The following TMEM230 variants were observed in gnomAD, a reference collection of about 807,000 sequenced individuals.
TMEM230 encodes transmembrane protein 230.
In TMEM230, 10 loss-of-function variants were observed where a neutral mutation model predicts 15.8. The ratio of observed to expected loss-of-function variants is 0.63; its 90% confidence interval spans 0.39 to 1.07. The LOEUF is 1.07. TMEM230 is among the 50% of genes least tolerant of loss of function. The probability of loss-of-function intolerance (pLI) is 0.01; values close to 1 mark genes in which losing one functional copy is unlikely to be tolerated. For synonymous variants in TMEM230, 67 were observed against 76.9 expected, an observed-to-expected ratio of 0.87 and a Z score of 0.68; for missense variants, 165 against 193.3, an observed-to-expected ratio of 0.85 and a Z score of 0.87.
rs1010324533 is a variant in TMEM230, at chr20:5,080,435, C to T, written c.223-11086G>A. The stretch of plus-strand genomic sequence containing the variant: ...ATTTAATTTCTACTGTCTTCTGTGA[C>T]CCCATGACTGCTTCTCTCCAGCCTG... On this transcript the variant is annotated intron_variant, in intron 3 of 3. Transcript: ENST00000612323. 2.0e-5 allele frequency among the ~76,000 whole-genome samples: 3 copies of T among 152,208 alleles called. No individual in the cohort carries two copies. The South Asian group carries it at 6.2e-4, about 31-fold the overall frequency.
intron 3 of TMEM230, among the ~76,000 whole-genome samples, chr20:5,072,836 G>A (rs555929820): frequency 2.0e-4 from 26 of 128,160 alleles, no homozygotes; most frequent in African/African-American, 7.3e-4. Context: ...AAGACAGAGC[G>A]AGACTCCACC....
At chr20:5,102,563 T>C (rs1436447944) in intron 4 of TMEM230, among the ~76,000 whole-genome samples, 1 of 151,924 alleles carries the variant, frequency 6.6e-6, no homozygotes, top group Non-Finnish European at 1.5e-5. Context: ...TGGTGGTATA[T>C]GCCTGTGGTC....
At chr20:5,083,030 C>T (rs1005467853) in intron 3 of TMEM230, among the ~76,000 whole-genome samples, 27 of 150,732 alleles carry the variant, frequency 1.8e-4, no homozygotes, top group African/African-American at 6.6e-4. Context: ...CGGGTTCAAG[C>T]GATTCTCCTG....
chr20:5,090,552 G>C (rs74616036), intron 3 of TMEM230, among the ~76,000 whole-genome samples: 2,489 of 152,232 alleles, frequency 0.016, 66 homozygotes, highest in African/African-American at 0.056. Context: ...ATATACAAAT[G>C]GGGTCAGTTT....
chr20:5,077,417 G>A (rs1178792358), intron 3 of TMEM230, among the ~76,000 whole-genome samples: 1 of 152,154 alleles, frequency 6.6e-6, no homozygotes, highest in East Asian at 1.9e-4. Context: ...CAAAAATCTG[G>A]TCCTTGGCCT....
chr20:5,106,230 A>G lies in TMEM230; in HGVS notation c.369T>C (p.Ile123=), dbSNP rs560893425. 26 of 1,614,076 alleles carry G rather than the reference A, an allele frequency of 1.6e-5. 1 individual carries two copies. In the South Asian group the frequency reaches 2.9e-4, roughly 18 times the overall value. ...CTGACAGCAGGAGGGAGCCTATAAT[A>G]ATGAGAAAGGCGCCAATCAAAAACA... The change falls in exon 4 of 5, where the codon ATT becomes ATC. Residue 123 remains isoleucine (I), a synonymous_variant. Coordinates refer to ENST00000342308, the MANE Select transcript of TMEM230 (RefSeq NM_001009923.2).
intron 3 of TMEM230, among the ~76,000 whole-genome samples, chr20:5,075,011 GA>G (rs1205350822): frequency 6.6e-6 from 1 of 150,512 alleles, no homozygotes; most frequent in Non-Finnish European, 1.5e-5. Context: ...AAGGCATACA[GA>G]ATGTAGGTAT....
intron 3 of TMEM230, among the ~76,000 whole-genome samples, chr20:5,088,096 G>A (rs1224193742): frequency 1.3e-5 from 2 of 150,432 alleles, no homozygotes; most frequent in Non-Finnish European, 3.0e-5. Context: ...ATTGCCTGAG[G>A]TCAGGAGTTT....
At chr20:5,076,760 C>G (rs2089015593) in intron 3 of TMEM230, among the ~76,000 whole-genome samples, 1 of 147,194 alleles carries the variant, frequency 6.8e-6, no homozygotes, top group Non-Finnish European at 1.5e-5. Flanking sequence ...TCACTGCAAC[C>G]TCTGCCTCCT....
chr20:5,086,538 C>CAAAAAAAAAAAAAAAAAA (rs542162305), intron 3 of TMEM230, among the ~76,000 whole-genome samples: 2 of 88,994 alleles, frequency 2.2e-5, no homozygotes, highest in Non-Finnish European at 4.4e-5. Context: ...GACTCTGTCT[C>CAAAAAAAAAAAAAAAAAA]AAAAAAAAAA....
rs550136655 is a variant in TMEM230, at chr20:5,079,038, T to C, written c.223-9689A>G. On this transcript the variant is annotated intron_variant, in intron 3 of 3. Transcript: ENST00000612323. ...TGATTTTAATTGCCCATTTATCACATACAAAATTTTGCTGATATTTGTGAC... is the reference window on the plus strand; with the variant it reads ...TGATTTTAATTGCCCATTTATCACACACAAAATTTTGCTGATATTTGTGAC... Among the ~76,000 whole-genome samples the C allele has an allele frequency of 3.9e-5, 6 of 152,394 alleles. No individual in the cohort carries two copies. In the East Asian group the frequency reaches 7.7e-4, roughly 20 times the overall value.
chr20:5,059,854 G>A, the TMEM230 span, among the ~76,000 whole-genome samples: 47 of 139,728 alleles, frequency 3.4e-4, no homozygotes, highest in African/African-American at 9.1e-4. Context: ...ACCTCGGCTC[G>A]CTGCAACCTC....
chr20:5,083,924 G>C (rs1248427228), intron 3 of TMEM230, among the ~76,000 whole-genome samples: 1 of 151,954 alleles, frequency 6.6e-6, no homozygotes, highest in East Asian at 1.9e-4. Flanking sequence ...TATGTATCGT[G>C]GGGGTTTGGT....
chr20:5,099,390 C>T (rs544172751), downstream of TMEM230, among the ~76,000 whole-genome samples: 5 of 152,130 alleles, frequency 3.3e-5, no homozygotes, highest in African/African-American at 9.6e-5. Context: ...TACTGGACTC[C>T]CCAGTCAACA....
chr20:5,090,280 T>C (rs182999201), intron 3 of TMEM230, among the ~76,000 whole-genome samples: 2 of 152,116 alleles, frequency 1.3e-5, no homozygotes, highest in East Asian at 3.9e-4. Context: ...CCTGGCACAA[T>C]GGGTAATGGG....
chr20:5,089,216 T>C (rs889600115), intron 3 of TMEM230, among the ~76,000 whole-genome samples: 8 of 151,538 alleles, frequency 5.3e-5, no homozygotes, highest in Admixed American at 2.6e-4. Context: ...CTACTAAAAA[T>C]ACAAAAAAAT....
At chr20:5,062,296 G>A in the TMEM230 span, among the ~76,000 whole-genome samples, 1 of 151,002 alleles carries the variant, frequency 6.6e-6, no homozygotes, top group Non-Finnish European at 1.5e-5. Context: ...AGCACACTGG[G>A]AGGCAGAGGT....
chr20:5,067,054 ACGG>A (rs1161960909), downstream of TMEM230, among the ~76,000 whole-genome samples: 3 of 152,100 alleles, frequency 2.0e-5, no homozygotes, highest in Admixed American at 1.3e-4. Flanking sequence ...GAAGTGAGAA[ACGG>A]CGCAGGGCGG....
chr20:5,110,187 GT>G (rs11288335), intron 2 of TMEM230, among the ~76,000 whole-genome samples: 53,041 of 151,890 alleles, frequency 0.35, 10,328 homozygotes, highest in South Asian at 0.64. Flanking sequence ...CTCCCGAGTA[GT>G]TGGGATTATA....
Sources: gnomAD v4.1 joint callset for allele counts (sites outside exome capture counted in the v4.1 genomes callset) on GRCh38, gnomAD v4.1.1 for gene constraint, MANE v1.5 for transcripts, NCBI Gene and HGNC (gene_info 2026-07-23, HGNC 2026-07-21) for gene names.